The following FHIT variants were observed in gnomAD, a reference collection of about 807,000 sequenced individuals.
The protein encoded by FHIT is bis(5'-adenosyl)-triphosphatase.
FHIT carries 19 observed loss-of-function variants against 17.9 expected under a neutral mutation model. The ratio of observed to expected loss-of-function variants is 1.06; its 90% CI spans 0.74 to 1.56. The LOEUF is 1.56. Among genes scored for constraint, FHIT ranks in the 40% most tolerant of loss-of-function variants. FHIT has a pLI of 0.00. For missense variants in FHIT, 248 were observed against 189.2 expected (o/e 1.31, Z -1.82); for synonymous variants, 81 against 69.7 (o/e 1.16, Z -0.81).
intron 5 of FHIT, among the ~76,000 whole-genome samples, chr3:60,270,466 G>A (rs1042003835): frequency 6.6e-6 from 1 of 152,178 alleles, no homozygotes; most frequent in African/African-American, 2.4e-5. Flanking sequence ...TGCAATATGG[G>A]AAGAGGAAAG....
At chr3:60,650,216 G>A (rs2039959346) in intron 4 of FHIT, among the ~76,000 whole-genome samples, 1 of 152,174 alleles carries the variant, frequency 6.6e-6, no homozygotes, top group Admixed American at 6.5e-5. Context: ...TTAAAGCACA[G>A]AATTGTCAAC....
intron 5 of FHIT, among the ~76,000 whole-genome samples, chr3:60,203,012 AC>A (rs1001784884): frequency 1.3e-5 from 2 of 151,424 alleles, no homozygotes; most frequent in Admixed American, 6.6e-5. Flanking sequence ...TAAAAAAAAA[AC>A]CCCAATAGAA....
chr3:59,912,653 C>G (rs536974288), intron 8 of FHIT, among the ~76,000 whole-genome samples: 2 of 152,292 alleles, frequency 1.3e-5, no homozygotes, highest in East Asian at 3.9e-4. Flanking sequence ...CTTTCAATAA[C>G]TCTGAAGAGC....
intron 2 of FHIT, among the ~76,000 whole-genome samples, chr3:61,062,732 G>T (rs1255228394): frequency 1.3e-5 from 2 of 152,046 alleles, no homozygotes; most frequent in Non-Finnish European, 2.9e-5. Context: ...GAGCTGTATT[G>T]GTTACCTGGA....
In FHIT at chr3:60,020,032, C is replaced by T. The variant is rs374222631; in HGVS notation, c.104-5880G>A. 1.3e-4 allele frequency among the ~76,000 whole-genome samples: 20 copies of T among 152,216 alleles called. 1 individual carries two copies. The highest frequency in any genetic ancestry group is 5.2e-4 in the Admixed American group (8 of 15,286). Reference sequence around the variant, plus strand: ...CAGTCAACACCAGTGAGAATGGGCACGCGACATGAGATGCATGTGCCATTT... The same window carrying T: ...CAGTCAACACCAGTGAGAATGGGCATGCGACATGAGATGCATGTGCCATTT... On this transcript the variant is annotated intron_variant, in intron 5 of 9. Transcript: ENST00000492590.
intron 5 of FHIT, among the ~76,000 whole-genome samples, chr3:60,117,606 T>C (rs532052674): frequency 2.9e-4 from 44 of 152,038 alleles, no homozygotes; most frequent in African/African-American, 9.9e-4. Flanking sequence ...AAATGTGAAT[T>C]ATGGTTAAGT....
chr3:61,031,097 C>T (rs1435801599), intron 3 of FHIT, among the ~76,000 whole-genome samples: 2 of 152,008 alleles, frequency 1.3e-5, no homozygotes, highest in Non-Finnish European at 2.9e-5. Context: ...AAGTTATTCT[C>T]GTTCAGCAAA....
Position 60,766,274 on chromosome 3 carries a change from T to G in FHIT, c.-18+55645A>C, listed in dbSNP as rs1423621460. On this transcript the variant is annotated intron_variant, in intron 4 of 9. Transcript: ENST00000492590. The stretch of plus-strand genomic sequence containing the variant: ...TGTAAAATTATTCTCTCCTCATTGC[T>G]GCCTTTCTGAAAATTCTTCATGTGG... 3.9e-5 allele frequency among the ~76,000 whole-genome samples: 6 copies of G among 152,298 alleles called. No homozygotes were observed. In the East Asian group the frequency reaches 1.2e-3, roughly 29 times the overall value.
At chr3:60,447,865 G>A (rs1380542176) in intron 5 of FHIT, among the ~76,000 whole-genome samples, 1 of 152,086 alleles carries the variant, frequency 6.6e-6, no homozygotes, top group Admixed American at 6.6e-5. Flanking sequence ...AGTAAAGATG[G>A]GGGAAATGAC....
chr3:60,311,073 T>A (rs924912651), intron 5 of FHIT, among the ~76,000 whole-genome samples: 1 of 152,232 alleles, frequency 6.6e-6, no homozygotes, highest in Admixed American at 6.5e-5. Context: ...TTCTCAATTT[T>A]GTCAATTAAC....
intron 8 of FHIT, among the ~76,000 whole-genome samples, chr3:59,862,334 C>A (rs917828474): frequency 8.5e-5 from 13 of 152,194 alleles, no homozygotes; most frequent in African/African-American, 3.1e-4. Context: ...AAAACCCGCT[C>A]CCATGATTCC....
intron 5 of FHIT, among the ~76,000 whole-genome samples, chr3:60,455,429 A>C (rs1251728361): frequency 6.6e-6 from 1 of 152,176 alleles, no homozygotes; most frequent in Non-Finnish European, 1.5e-5. Context: ...AGATGAAAGC[A>C]ACTTGCCTAC....
At chr3:60,743,847 G>C (rs1392759308) in intron 4 of FHIT, among the ~76,000 whole-genome samples, 3 of 152,156 alleles carry the variant, frequency 2.0e-5, no homozygotes, top group Non-Finnish European at 4.4e-5. Context: ...TCTTTCACGG[G>C]GTTTTTTTGT....
At chr3:60,584,656 A>T (rs1290761150) in intron 4 of FHIT, among the ~76,000 whole-genome samples, 1 of 151,980 alleles carries the variant, frequency 6.6e-6, no homozygotes, top group Non-Finnish European at 1.5e-5. Flanking sequence ...ATCTTCTGTA[A>T]TTTTATGTGT....
intron 5 of FHIT, among the ~76,000 whole-genome samples, chr3:60,377,786 A>G (rs1240456204): frequency 6.6e-6 from 1 of 152,046 alleles, no homozygotes; most frequent in Admixed American, 6.6e-5. Flanking sequence ...CGGCCCAGCC[A>G]AGAATTCTTA....
At chr3:60,537,772 T>C (rs376286043) in intron 4 of FHIT, among the ~76,000 whole-genome samples, 2 of 152,268 alleles carry the variant, frequency 1.3e-5, no homozygotes, top group African/African-American at 4.8e-5. Flanking sequence ...TGGATGCCAA[T>C]ACATGACAAA....
intron 4 of FHIT, among the ~76,000 whole-genome samples, chr3:60,720,874 C>A (rs2107963163): frequency 6.6e-6 from 1 of 152,230 alleles, no homozygotes; most frequent in East Asian, 1.9e-4. Flanking sequence ...AATTCATTTC[C>A]CCTGGCTCCT....
rs566505590 is a variant in FHIT at position 60,929,208 on chromosome 3, A to G, written c.-110-107197T>C. 5.9e-5 allele frequency among the ~76,000 whole-genome samples: 9 copies of G among 152,324 alleles called. No homozygotes were observed. In the East Asian group the frequency reaches 1.7e-3, roughly 29 times the overall value. ...AATAAATGAGGTATTGATGGGACAT[A>G]TCTCAAAATAATAAGAGCTATCTAT... On this transcript the variant is annotated intron_variant, in intron 3 of 9. Transcript: ENST00000492590.
At chr3:60,875,847 T>G (rs781960526) in intron 3 of FHIT, among the ~76,000 whole-genome samples, 1 of 151,056 alleles carries the variant, frequency 6.6e-6, no homozygotes. Flanking sequence ...AGACATAGAA[T>G]TGAGAAGACA....
Sources: allele counts gnomAD v4.1 joint callset (sites outside exome capture counted in the v4.1 genomes callset), GRCh38; gene constraint gnomAD v4.1.1; transcripts MANE v1.5; gene names NCBI Gene and HGNC (gene_info 2026-07-23, HGNC 2026-07-21).